ZCWPW2: variants seen among roughly 807,000 people sequenced by gnomAD.
ZCWPW2 encodes zinc finger CW-type and PWWP domain containing 2.
Under a neutral mutation model 46.6 loss-of-function variants are expected in ZCWPW2, and 45 were observed. The ratio of observed to expected loss-of-function variants is 0.96; its 90% CI spans 0.76 to 1.24. The LOEUF (loss-of-function observed/expected upper bound fraction) is 1.24, where lower values mean the gene tolerates loss of function less well. ZCWPW2 is among the 50% of genes most tolerant of loss of function. The probability of loss-of-function intolerance (pLI) is 0.00; values close to 1 mark genes in which losing one functional copy is unlikely to be tolerated. For synonymous variants in ZCWPW2, 152 were observed against 137.1 expected (o/e 1.11, Z -0.76); for missense variants, 429 against 403.9 (o/e 1.06, Z -0.53).
chr3:28,370,044 G>A (rs935529165), intron 1 of ZCWPW2, among the ~76,000 whole-genome samples: 2 of 152,178 alleles, frequency 1.3e-5, no homozygotes, highest in African/African-American at 4.8e-5. Flanking sequence ...GATTTTCCAG[G>A]TGCCATCTGT....
chr3:28,378,798 A>G (rs1307486914), intron 1 of ZCWPW2, among the ~76,000 whole-genome samples: 1 of 152,160 alleles, frequency 6.6e-6, no homozygotes, highest in Non-Finnish European at 1.5e-5. Flanking sequence ...TTTAGATGCT[A>G]GGGATAAAGC....
intron 1 of ZCWPW2, among the ~76,000 whole-genome samples, chr3:28,362,964 A>G (rs1185255227): frequency 3.9e-5 from 6 of 152,110 alleles, no homozygotes; most frequent in Admixed American, 1.3e-4. Flanking sequence ...ACAGGAACAG[A>G]AAACCAAATA....
intron 4 of ZCWPW2, among the ~76,000 whole-genome samples, chr3:28,436,694 A>G (rs1216203312): frequency 6.6e-6 from 1 of 152,142 alleles, no homozygotes; most frequent in Non-Finnish European, 1.5e-5. Context: ...TGAAAACATT[A>G]AGTATGGAAT....
At chr3:28,510,921 A>G (rs1700409355) in intron 6 of ZCWPW2, 1 of 365,940 alleles carries the variant, frequency 2.7e-6, no homozygotes, top group South Asian at 2.1e-5. Context: ...GAATGAAACA[A>G]TTAGAACAGA....
intron 2 of ZCWPW2, among the ~76,000 whole-genome samples, chr3:28,400,448 A>G (rs949221741): frequency 6.6e-6 from 1 of 152,236 alleles, no homozygotes; most frequent in Admixed American, 6.5e-5. Context: ...AATACCTGCA[A>G]AATTCATCAC....
At chr3:28,472,706 A>G (rs1699083320) in intron 4 of ZCWPW2, among the ~76,000 whole-genome samples, 1 of 152,168 alleles carries the variant, frequency 6.6e-6, no homozygotes, top group African/African-American at 2.4e-5. Flanking sequence ...AGGCAACCAA[A>G]GCAAAAGTGG....
intron 4 of ZCWPW2, among the ~76,000 whole-genome samples, chr3:28,464,869 ACTG>A (rs1025434878): frequency 1.2e-4 from 19 of 152,184 alleles, no homozygotes; most frequent in Non-Finnish European, 2.6e-4. Flanking sequence ...CATCACAGGA[ACTG>A]CTGTAGATTT....
At chr3:28,466,197 G>A (rs901721254) in intron 4 of ZCWPW2, among the ~76,000 whole-genome samples, 1 of 152,068 alleles carries the variant, frequency 6.6e-6, no homozygotes, top group Admixed American at 6.6e-5. Flanking sequence ...TAGTAGGGTG[G>A]GAGGACAATG....
intron 4 of ZCWPW2, among the ~76,000 whole-genome samples, chr3:28,475,441 T>TAGA (rs1245574592): frequency 6.6e-6 from 1 of 152,198 alleles, no homozygotes; most frequent in Non-Finnish European, 1.5e-5. Context: ...TGCCTCTGTA[T>TAGA]AGCCTTTCCT....
At chr3:28,508,628 G>T (rs1035531092) in intron 6 of ZCWPW2, among the ~76,000 whole-genome samples, 1 of 151,706 alleles carries the variant, frequency 6.6e-6, no homozygotes, top group Non-Finnish European at 1.5e-5. Flanking sequence ...AGCAATTCTC[G>T]TGCTTCAGCC....
intron 4 of ZCWPW2, among the ~76,000 whole-genome samples, chr3:28,437,296 A>G (rs1697540702): frequency 6.6e-6 from 1 of 152,182 alleles, no homozygotes; most frequent in African/African-American, 2.4e-5. Flanking sequence ...CTATTTCAAC[A>G]TCATTTTCCT....
chr3:28,443,826 A>T (rs1259945542), intron 4 of ZCWPW2, among the ~76,000 whole-genome samples: 1 of 152,154 alleles, frequency 6.6e-6, no homozygotes, highest in Non-Finnish European at 1.5e-5. Context: ...TCTGTTTCAC[A>T]AGGCATTGGT....
At chr3:28,516,261 A>C (rs1559536920) in intron 8 of ZCWPW2, among the ~76,000 whole-genome samples, 1 of 92,826 alleles carries the variant, frequency 1.1e-5, no homozygotes, top group Non-Finnish European at 2.6e-5. Flanking sequence ...CTCTCAATAA[A>C]TAAATAAATA....
At chr3:28,376,898 A>G (rs904420622) in intron 1 of ZCWPW2, among the ~76,000 whole-genome samples, 7 of 152,098 alleles carry the variant, frequency 4.6e-5, no homozygotes, top group African/African-American at 1.2e-4. Context: ...GAACTGGACA[A>G]TTTGCTTTCT....
At chr3:28,395,597 C>A (rs958312571) in intron 2 of ZCWPW2, among the ~76,000 whole-genome samples, 2 of 152,018 alleles carry the variant, frequency 1.3e-5, no homozygotes, top group Non-Finnish European at 2.9e-5. Flanking sequence ...AAAATCTTGT[C>A]ATTATGACAG....
rs578178124 is a variant in ZCWPW2 at position 28,380,934 on chromosome 3, GTATATATATATATA to G, written c.-133-9540_-133-9527del. On this transcript the variant is annotated intron_variant, in intron 1 of 9. Coordinates refer to ENST00000383768, the MANE Select transcript of ZCWPW2 (RefSeq NM_001040432.4). ...ACTTTACCAAATATATATATATTTG[GTATATATATATATA>G]TATATATATATATATATATATATTT... 9.8e-3 allele frequency among the ~76,000 whole-genome samples: 132 copies of G among 13,416 alleles called. 19 individuals carry two copies. Among genetic ancestry groups the G allele is most frequent in the African/African-American group, 0.025 (80 of 3,146 alleles). The allele number at this position is 13,416 out of a possible 152,430, so 8.8% of individuals were successfully genotyped here.
chr3:28,431,434 G>A (rs555795072), intron 3 of ZCWPW2, among the ~76,000 whole-genome samples: 56 of 151,968 alleles, frequency 3.7e-4, no homozygotes, highest in Non-Finnish European at 7.1e-4. Flanking sequence ...GCTTGCAGAT[G>A]GCTATTTTCT....
At chr3:28,446,318 C>T (rs1182059896) in intron 4 of ZCWPW2, among the ~76,000 whole-genome samples, 1 of 151,882 alleles carries the variant, frequency 6.6e-6, no homozygotes, top group Non-Finnish European at 1.5e-5. Context: ...AGATATAAGG[C>T]AGAGTATTAT....
chr3:28,428,160 A>C (rs1697097481), intron 3 of ZCWPW2: 1 of 152,432 alleles, frequency 6.6e-6, no homozygotes, highest in African/African-American at 2.4e-5. Flanking sequence ...AACAGTCGCC[A>C]AACAATGAGA....
Sources: gnomAD v4.1 joint callset for allele counts (sites outside exome capture counted in the v4.1 genomes callset) on GRCh38, gnomAD v4.1.1 for gene constraint, MANE v1.5 for transcripts, NCBI Gene and HGNC (gene_info 2026-07-23, HGNC 2026-07-21) for gene names.